Variants in ORC3 observed in about 807,000 individuals in gnomAD.
ORC3 encodes the protein origin recognition complex subunit 3.
Under a neutral mutation model 100.7 loss-of-function variants are expected in ORC3, and 78 were observed. The ratio of observed to expected loss-of-function variants is 0.77; its 90% CI spans 0.65 to 0.94. The LOEUF is 0.94. ORC3 is among the 40% of genes least tolerant of loss of function. The pLI is 0.00. For missense variants in ORC3, 789 were observed against 823.9 expected, an observed-to-expected ratio of 0.96 and a Z score of 0.52; for synonymous variants, 295 against 289.3, an observed-to-expected ratio of 1.02 and a Z score of -0.20.
At chr6:87,593,809 G>C (rs1777220700) in intron 1 of ORC3, among the ~76,000 whole-genome samples, 1 of 152,220 alleles carries the variant, frequency 6.6e-6, no homozygotes, top group South Asian at 2.1e-4. Context: ...TGATTCTTCT[G>C]TCTGAGCCTC....
intron 2 of ORC3, among the ~76,000 whole-genome samples, chr6:87,598,376 G>A (rs1220980879): frequency 3.3e-5 from 5 of 151,986 alleles, no homozygotes; most frequent in Non-Finnish European, 5.9e-5. Flanking sequence ...ATGTATTATC[G>A]CCATTGAAAT....
intron 8 of ORC3, among the ~76,000 whole-genome samples, chr6:87,612,952 A>G (rs186321053): frequency 6.6e-6 from 1 of 152,322 alleles, no homozygotes; most frequent in East Asian, 1.9e-4. Context: ...TTTTTAGTGG[A>G]CTGTTTCCTA....
At chr6:87,660,354 T>C (rs1447357499) in intron 16 of ORC3, among the ~76,000 whole-genome samples, 2 of 152,054 alleles carry the variant, frequency 1.3e-5, no homozygotes, top group East Asian at 3.9e-4. Context: ...ACCTGAAGAG[T>C]CAGCCCTGTG....
At chr6:87,658,917 G>A (rs1464775380) in intron 16 of ORC3, among the ~76,000 whole-genome samples, 1 of 147,628 alleles carries the variant, frequency 6.8e-6, no homozygotes, top group East Asian at 2.0e-4. Context: ...TCAGCTTTAT[G>A]TAGCCGTGTA....
chr6:87,601,740 T>A, intron 2 of ORC3, 44 bp from the exon 3 acceptor site: 1 of 1,110,282 alleles, frequency 9.0e-7, no homozygotes, highest in Non-Finnish European at 1.4e-6. Flanking sequence ...TAACTTATAC[T>A]ATTATATGAA....
At position 87,603,408 on chromosome 6, in the gene ORC3, A is replaced by G. The variant is rs144040713; in HGVS notation, c.202A>G (p.Asn68Asp). 15 of 1,512,368 alleles carry G rather than the reference A, an allele frequency of 9.9e-6. No homozygotes were observed. In the African/African-American group the frequency reaches 2.0e-4, roughly 21 times the overall value. The allele number at this position is 1,512,368 out of a possible 1,614,324, so 93.7% of individuals were successfully genotyped here. A position where few individuals can be genotyped will look rare whatever the true frequency, so the allele number is the denominator to read the frequency against. Residue 68 changes from asparagine to aspartate, a missense_variant, in exon 4 of 20, where the codon AAC (asparagine) becomes GAC (aspartate). By Grantham distance (23) the Asn-to-Asp change is conservative (BLOSUM62 1). This residue lies in a region of ORC3 where 399 missense variants were observed against 382.0 expected (regional missense o/e 1.04). Coordinates refer to ENST00000392844, the MANE Select transcript of ORC3 (RefSeq NM_012381.4). ...GCGACTACAAGAGGAATTAAATAAA[A>G]ACTTGTTTGACAATCTGATTGAATT... The part of the protein sequence containing the change: ...NERLQEELNK[N>D]LFDNLIEFLQ...
chr6:87,601,938 C>A, intron 3 of ORC3, 57 bp downstream of exon 3: 2 of 956,224 alleles, frequency 2.1e-6, no homozygotes, highest in South Asian at 1.3e-5. Context: ...TTTGTTGCAT[C>A]TCATCTTCCT....
At chr6:87,675,794 T>C in the ORC3 span, 11 of 1,504,930 alleles carry the variant, frequency 7.3e-6, no homozygotes, top group Middle Eastern at 1.7e-4. Context: ...TGAAAATAAT[T>C]ATAATGTCTT....
chr6:87,590,197 G>C lies in ORC3; in HGVS notation c.24+5G>C, dbSNP rs758126071. On this transcript the variant is annotated splice_donor_5th_base_variant and intron_variant, in intron 1 of 19. Coordinates refer to ENST00000392844, the MANE Select transcript of ORC3 (RefSeq NM_012381.4). Reference sequence around the variant, plus strand: ...GCTACGTCCTCGATGTCTAAGGTATGTGGTGGCCGATGCGCACTGTGGCTC... The same window carrying C: ...GCTACGTCCTCGATGTCTAAGGTATCTGGTGGCCGATGCGCACTGTGGCTC... The C allele has an allele frequency of 6.2e-7, 1 of 1,613,928 alleles. No homozygotes were observed. Among genetic ancestry groups the C allele is most frequent in the Admixed American group, 1.7e-5 (1 of 60,032 alleles).
rs1440793055 is a variant in ORC3 at position 87,616,994 on chromosome 6, C to T, written c.987+567C>T. ...TGTATATTTAGTAGAAACAGGGCTT[C>T]ACCATGTTGGCCAGGCTGGTCTCGA... On this transcript the variant is annotated intron_variant, in intron 9 of 19. Transcript: ENST00000392844. Among the ~76,000 whole-genome samples, 5 of 152,100 alleles carry T rather than the reference C, an allele frequency of 3.3e-5. No homozygotes were observed. In the South Asian group the frequency reaches 8.3e-4, roughly 25 times the overall value.
chr6:87,638,163 T>C (rs887158665), intron 13 of ORC3, among the ~76,000 whole-genome samples: 1 of 152,158 alleles, frequency 6.6e-6, no homozygotes, highest in African/African-American at 2.4e-5. Context: ...GTCAGAAACA[T>C]GGGCAGTCAA....
intron 13 of ORC3, among the ~76,000 whole-genome samples, chr6:87,647,208 A>G (rs1167164117): frequency 6.6e-6 from 1 of 152,172 alleles, no homozygotes; most frequent in African/African-American, 2.4e-5. Flanking sequence ...CATTTCACTC[A>G]GAGTAAAAGC....
intron 8 of ORC3, 97 bp downstream of exon 8, chr6:87,612,345 T>A: frequency 1.5e-6 from 1 of 685,430 alleles, no homozygotes; most frequent in South Asian, 2.5e-5. Context: ...TCTACAACTC[T>A]CTGAGTACTA....
At chr6:87,600,488 A>G (rs1777814830) in intron 2 of ORC3, among the ~76,000 whole-genome samples, 1 of 152,174 alleles carries the variant, frequency 6.6e-6, no homozygotes, top group Non-Finnish European at 1.5e-5. Flanking sequence ...TAATTTGAAG[A>G]AGTGGCTTAA....
At chr6:87,600,929 T>C (rs566793368) in intron 2 of ORC3, among the ~76,000 whole-genome samples, 31 of 152,376 alleles carry the variant, frequency 2.0e-4, no homozygotes, top group African/African-American at 7.5e-4. Context: ...TTAATGTGGA[T>C]TATAGTTTGA....
intron 2 of ORC3, among the ~76,000 whole-genome samples, chr6:87,596,547 G>A (rs1777461845): frequency 6.6e-6 from 1 of 151,952 alleles, no homozygotes; most frequent in Non-Finnish European, 1.5e-5. Flanking sequence ...AGGCAAGAGG[G>A]AACTTTCTGG....
chr6:87,616,704 C>T (rs555996209), intron 9 of ORC3, among the ~76,000 whole-genome samples: 13 of 152,042 alleles, frequency 8.6e-5, no homozygotes, highest in Non-Finnish European at 1.3e-4. Flanking sequence ...GGTTTGTTTC[C>T]GAGACTCTCA....
chr6:87,606,294 A>G (rs916196696), intron 5 of ORC3, among the ~76,000 whole-genome samples: 2 of 152,200 alleles, frequency 1.3e-5, no homozygotes, highest in African/African-American at 4.8e-5. Flanking sequence ...TCTTTAACCC[A>G]GTGAAACGTT....
the ORC3 span, among the ~76,000 whole-genome samples, chr6:87,673,039 G>C: frequency 6.6e-6 from 1 of 151,646 alleles, no homozygotes. Context: ...ATCATGTGTG[G>C]TTGGTTATTT....
Sources: allele counts gnomAD v4.1 joint callset (sites outside exome capture counted in the v4.1 genomes callset), GRCh38; gene constraint gnomAD v4.1.1; regional missense constraint gnomAD v4.1.1; transcripts MANE v1.5; gene names NCBI Gene and HGNC (gene_info 2026-07-23, HGNC 2026-07-21).